BCAS3: variants seen among roughly 807,000 people sequenced by gnomAD.
BCAS3 encodes BCAS3 microtubule associated cell migration factor.
A neutral mutation model predicts 116.1 loss-of-function variants in BCAS3; 53 were observed. The ratio of observed to expected loss-of-function variants is 0.46; its 90% confidence interval spans 0.37 to 0.57. The LOEUF is 0.57. Among genes scored for constraint, BCAS3 ranks in the 20% least tolerant of loss-of-function variants. BCAS3 has a pLI of 0.00. For missense variants in BCAS3, 917 were observed against 1,165.4 expected, an observed-to-expected ratio of 0.79 and a Z score of 3.10; for synonymous variants, 391 against 408.2, an observed-to-expected ratio of 0.96 and a Z score of 0.51.
chr17:61,329,886 T>C (rs1248582258), intron 22 of BCAS3, among the ~76,000 whole-genome samples: 2 of 152,172 alleles, frequency 1.3e-5, no homozygotes, highest in African/African-American at 2.4e-5. Flanking sequence ...CAGCTGTCCC[T>C]GATTATGAAG....
Position 61,186,797 on chromosome 17 carries a change from A to G in BCAS3, c.2425+102233A>G, listed in dbSNP as rs955388525. Among the ~76,000 whole-genome samples the G allele has an allele frequency of 3.3e-5, 5 of 150,370 alleles. No individual in the cohort carries two copies. The highest frequency in any genetic ancestry group is 6.6e-5 in the Admixed American group (1 of 15,102). On this transcript the variant is annotated intron_variant, in intron 22 of 23. Coordinates refer to ENST00000407086, the MANE Select transcript of BCAS3 (RefSeq NM_017679.5). The surrounding 1 kb of genome is among the most constrained non-coding windows in gnomAD (Gnocchi z 4.9). ...ACGATCTCAGCTTACTGCAAGCTCC[A>G]CCTCCTGGGTTCACGCCATTCTCTT... is the stretch of plus-strand genomic sequence containing the variant.
Position 61,008,193 on chromosome 17 carries a change from C to T in BCAS3, c.1487-7558C>T, listed in dbSNP as rs1050640189. Among the ~76,000 whole-genome samples, 1 of 151,974 alleles carries T rather than the reference C, an allele frequency of 6.6e-6. No homozygotes were observed. The highest frequency in any genetic ancestry group is 1.5e-5 in the Non-Finnish European group (1 of 67,974). On this transcript the variant is annotated intron_variant, in intron 15 of 23. Transcript: ENST00000407086. This position sits in a 1 kb window ranked among gnomAD's most constrained non-coding sequence, Gnocchi z 4.6. ...ACCAGGGTGCTGCTGTTTCCTTTTC[C>T]GACTTGAGTAGATTGCAGATTATAC...
At chr17:60,876,648 C>A (rs2055634558) in intron 9 of BCAS3, among the ~76,000 whole-genome samples, 1 of 152,046 alleles carries the variant, frequency 6.6e-6, no homozygotes, top group Non-Finnish European at 1.5e-5. Flanking sequence ...TTATTTGATA[C>A]ATTTCTTAAT....
intron 6 of BCAS3, among the ~76,000 whole-genome samples, chr17:60,758,260 A>G (rs576492255): frequency 6.6e-6 from 1 of 152,126 alleles, no homozygotes; most frequent in South Asian, 2.1e-4. Flanking sequence ...CACATTTGAG[A>G]ATTGTTTTTT....
rs79507415 is a variant in BCAS3 at position 60,693,277 on chromosome 17, A to T, written c.214+3516A>T. 8.3e-4 allele frequency among the ~76,000 whole-genome samples: 127 copies of T among 152,100 alleles called. 3 individuals are homozygous for T. The highest frequency in any genetic ancestry group is 3.0e-3 in the African/African-American group (123 of 41,366). ...TTTTCTGTCAAATTCTCTAAAGGTG[A>T]GAATATAGTTTGAATCCCAGACTAC... On this transcript the variant is annotated intron_variant, in intron 4 of 23. Transcript: ENST00000407086.
In BCAS3 at chr17:60,833,861, G is replaced by A. The variant is rs376655835; in HGVS notation, c.476+25785G>A. ...AATTCCAACTGCCTTTACAAGAAAAGCCAAATAAGAAAACATTTTACTTCT... is the reference window on the plus strand; with the variant it reads ...AATTCCAACTGCCTTTACAAGAAAAACCAAATAAGAAAACATTTTACTTCT... On this transcript the variant is annotated intron_variant, in intron 7 of 23. Transcript: ENST00000407086. Among the ~76,000 whole-genome samples the A allele has an allele frequency of 2.0e-5, 3 of 152,186 alleles. No homozygotes were observed. The East Asian group carries it at 5.8e-4, about 29-fold the overall frequency.
At chr17:60,749,613 A>T (rs1404773673) in intron 6 of BCAS3, among the ~76,000 whole-genome samples, 1 of 151,886 alleles carries the variant, frequency 6.6e-6, no homozygotes, top group African/African-American at 2.4e-5. Flanking sequence ...TTTCTTTCTT[A>T]TTCTTTTTTT....
Position 61,095,906 on chromosome 17 carries a change from G to T in BCAS3, c.2425+11342G>T, listed in dbSNP as rs547347727. Among the ~76,000 whole-genome samples the T allele has an allele frequency of 1.3e-4, 20 of 151,904 alleles. No homozygotes were observed. The South Asian group carries it at 4.1e-3, about 31-fold the overall frequency. On this transcript the variant is annotated intron_variant, in intron 22 of 23. Transcript: ENST00000407086. The surrounding 1 kb of genome is among the most constrained non-coding windows in gnomAD (Gnocchi z 4.7). Reference sequence around the variant, plus strand: ...ACTAGTTTGTTTGTTTATTTCTACAGAAATTCAGATGAGATTGGATTGGGA... The same window carrying T: ...ACTAGTTTGTTTGTTTATTTCTACATAAATTCAGATGAGATTGGATTGGGA...
chr17:60,859,878 C>T (rs1443937079), intron 7 of BCAS3, among the ~76,000 whole-genome samples: 1 of 152,068 alleles, frequency 6.6e-6, no homozygotes, highest in East Asian at 1.9e-4. Context: ...CTATGTACGA[C>T]ATTTTTAAAA....
chr17:60,754,293 C>A (rs2042782086), intron 6 of BCAS3, among the ~76,000 whole-genome samples: 1 of 152,108 alleles, frequency 6.6e-6, no homozygotes, highest in African/African-American at 2.4e-5. Context: ...GCAGTCTTGA[C>A]CTCCTGGGCC....
rs1476744323 is a variant in BCAS3, at chr17:61,008,194, G to A, written c.1487-7557G>A. On this transcript the variant is annotated intron_variant, in intron 15 of 23. Coordinates refer to ENST00000407086, the MANE Select transcript of BCAS3 (RefSeq NM_017679.5). This position sits in a 1 kb window ranked among gnomAD's most constrained non-coding sequence, Gnocchi z 4.6. ...CCAGGGTGCTGCTGTTTCCTTTTCC[G>A]ACTTGAGTAGATTGCAGATTATACT... Among the ~76,000 whole-genome samples the A allele has an allele frequency of 3.9e-5, 6 of 151,984 alleles. No individual in the cohort carries two copies. Among genetic ancestry groups the A allele is most frequent in the African/African-American group, 1.2e-4 (5 of 41,396 alleles).
At chr17:61,102,830 T>C (rs1390849228) in intron 22 of BCAS3, among the ~76,000 whole-genome samples, 1 of 152,140 alleles carries the variant, frequency 6.6e-6, no homozygotes, top group Non-Finnish European at 1.5e-5. Flanking sequence ...CAAGGACTCA[T>C]TAAATGTCAG....
At position 61,106,248 on chromosome 17, in the gene BCAS3, G is replaced by T. The variant is rs758516795; in HGVS notation, c.2425+21684G>T. ...AACATGGTATATACAGTCATGTATG[G>T]CATAGTGACCTTTCAGTCAACAGTG... On this transcript the variant is annotated intron_variant, in intron 22 of 23. Coordinates refer to ENST00000407086, the MANE Select transcript of BCAS3 (RefSeq NM_017679.5). This position sits in a 1 kb window ranked among gnomAD's most constrained non-coding sequence, Gnocchi z 4.2. Among the ~76,000 whole-genome samples, 5 of 152,154 alleles carry T rather than the reference G, an allele frequency of 3.3e-5. No individual in the cohort carries two copies. The highest frequency in any genetic ancestry group is 6.5e-5 in the Admixed American group (1 of 15,278).
intron 5 of BCAS3, among the ~76,000 whole-genome samples, chr17:60,745,126 T>A (rs1433098112): frequency 6.6e-6 from 1 of 152,118 alleles, no homozygotes; most frequent in African/African-American, 2.4e-5. Flanking sequence ...ATACTAGAAC[T>A]GGCATATGCA....
intron 22 of BCAS3, among the ~76,000 whole-genome samples, chr17:61,297,260 AG>A (rs1450358896): frequency 2.0e-5 from 3 of 152,192 alleles, no homozygotes; most frequent in Admixed American, 1.3e-4. Flanking sequence ...CTGAGTAGAA[AG>A]CAGTACCAGT....
chr17:61,242,909 CT>C lies in BCAS3; in HGVS notation c.2426-125405del, dbSNP rs763046007. 8.2e-3 allele frequency among the ~76,000 whole-genome samples: 1,190 copies of C among 145,264 alleles called. 10 individuals carry two copies. The highest frequency in any genetic ancestry group is 0.026 in the African/African-American group (1,035 of 40,048). On this transcript the variant is annotated intron_variant, in intron 22 of 23. Transcript: ENST00000407086. ...TGATTGACATACAAAAAGCTATACA[CT>C]TTTTTTTTTTTTGAGACGGAGTCTT...
At chr17:60,818,904 T>TG (rs1406413510) in intron 7 of BCAS3, among the ~76,000 whole-genome samples, 3 of 152,166 alleles carry the variant, frequency 2.0e-5, no homozygotes, top group African/African-American at 7.2e-5. Flanking sequence ...TACCAGGTGA[T>TG]CCAATAACGT....
In BCAS3 at chr17:60,798,604, C is replaced by T. The variant is rs568490198; in HGVS notation, c.404-9400C>T. ...TTCATCTGCTGAAGAACATGTTGGT[C>T]GCATCCAAGTTTTGGCAATTATAAA... is the stretch of plus-strand genomic sequence containing the variant. On this transcript the variant is annotated intron_variant, in intron 6 of 23. Transcript: ENST00000407086. 2.4e-4 allele frequency among the ~76,000 whole-genome samples: 36 copies of T among 152,204 alleles called. No individual in the cohort carries two copies. The South Asian group carries it at 7.3e-3, about 31-fold the overall frequency.
rs1355910496 is a variant in BCAS3, at chr17:61,377,878, G to A, written c.2593+9384G>A. On this transcript the variant is annotated intron_variant, in intron 23 of 23. Transcript: ENST00000407086. This position sits in a 1 kb window ranked among gnomAD's most constrained non-coding sequence, Gnocchi z 4.6. The stretch of plus-strand genomic sequence containing the variant: ...GTGAGAGTATAACTAAAAGATGTGG[G>A]ATTAAAATAAGAAATTTGGGAAGAG... 1 of 152,250 alleles carries A rather than the reference G, an allele frequency of 6.6e-6. No individual in the cohort carries two copies. The highest frequency in any genetic ancestry group is 2.4e-5 in the African/African-American group (1 of 41,466). The allele number at this position is 152,250 out of a possible 1,614,324, so 9.4% of individuals were successfully genotyped here.
Sources: allele counts gnomAD v4.1 joint callset (sites outside exome capture counted in the v4.1 genomes callset), GRCh38; gene constraint gnomAD v4.1.1; non-coding constraint Gnocchi (gnomAD v3.1); transcripts MANE v1.5; gene names NCBI Gene and HGNC (gene_info 2026-07-23, HGNC 2026-07-21).